Variants in SNTB1 observed in about 807,000 individuals in gnomAD.
SNTB1 encodes the protein syntrophin beta 1, also known as beta-1-syntrophin.
SNTB1 carries 36 observed loss-of-function variants against 48.9 expected under a neutral mutation model. The ratio of observed to expected loss-of-function variants is 0.74; its 90% CI spans 0.56 to 0.97. SNTB1 has a LOEUF of 0.97. Among genes scored for constraint, SNTB1 ranks in the 50% least tolerant of loss-of-function variants. The pLI is 0.00. For missense variants in SNTB1, 786 were observed against 703.4 expected, an observed-to-expected ratio of 1.12 and a Z score of -1.33; for synonymous variants, 299 against 294.6, an observed-to-expected ratio of 1.01 and a Z score of -0.15.
At chr8:120,600,015 A>T (rs149447901) in intron 3 of SNTB1, among the ~76,000 whole-genome samples, 3 of 152,220 alleles carry the variant, frequency 2.0e-5, no homozygotes, top group African/African-American at 7.2e-5. Flanking sequence ...AAACACAGAA[A>T]ACATGATCTA....
intron 3 of SNTB1, among the ~76,000 whole-genome samples, chr8:120,623,824 G>A (rs1341828350): frequency 6.6e-6 from 1 of 152,184 alleles, no homozygotes; most frequent in East Asian, 1.9e-4. Context: ...TAAAGAAAGG[G>A]CAATCCACAA....
chr8:120,670,362 G>A (rs1359556067), intron 2 of SNTB1, among the ~76,000 whole-genome samples: 2 of 152,250 alleles, frequency 1.3e-5, no homozygotes, highest in East Asian at 1.9e-4. Flanking sequence ...GTCTTCATAC[G>A]GCAAGGGCTG....
rs190879364 is a variant in SNTB1, at chr8:120,547,198, A to G, written c.1333+1564T>C. Among the ~76,000 whole-genome samples the G allele has an allele frequency of 2.6e-3, 403 of 152,356 alleles. 1 individual carries two copies. The highest frequency in any genetic ancestry group is 8.3e-3 in the African/African-American group (346 of 41,586). ...CACAGTGCAATCAAAAGTTCTTCAA[A>G]ACAATGAAACAATATTTACACCCAT... On this transcript the variant is annotated intron_variant, in intron 5 of 6. Transcript: ENST00000517992.
At chr8:120,671,300 C>T (rs1817753906) in intron 2 of SNTB1, among the ~76,000 whole-genome samples, 2 of 152,088 alleles carry the variant, frequency 1.3e-5, no homozygotes, top group South Asian at 4.1e-4. Flanking sequence ...CAGAATGCAA[C>T]CTTATTTGGA....
intron 1 of SNTB1, chr8:120,776,621 A>C (rs1162038669): frequency 6.6e-6 from 1 of 152,022 alleles, no homozygotes; most frequent in Non-Finnish European, 1.5e-5. Flanking sequence ...ACCAAAATAA[A>C]ACTTCGTTTG....
chr8:120,724,456 T>C (rs1199268820), intron 1 of SNTB1, among the ~76,000 whole-genome samples: 2 of 152,176 alleles, frequency 1.3e-5, no homozygotes, highest in African/African-American at 4.8e-5. Flanking sequence ...CCACACCACA[T>C]TACTGCTTTC....
intron 1 of SNTB1, among the ~76,000 whole-genome samples, chr8:120,738,753 A>C (rs990217741): frequency 3.9e-5 from 6 of 152,182 alleles, no homozygotes; most frequent in African/African-American, 1.2e-4. Context: ...CACACTACAA[A>C]TACAAGCTAT....
intron 1 of SNTB1, among the ~76,000 whole-genome samples, chr8:120,774,892 G>C (rs1408657910): frequency 6.6e-6 from 1 of 152,028 alleles, no homozygotes; most frequent in African/African-American, 2.4e-5. Flanking sequence ...GACCTCAAGT[G>C]ATCCACCTGC....
intron 3 of SNTB1, among the ~76,000 whole-genome samples, chr8:120,628,916 TG>T (rs1354065073): frequency 6.6e-6 from 1 of 152,046 alleles, no homozygotes; most frequent in Non-Finnish European, 1.5e-5. Flanking sequence ...CCCAGTTACT[TG>T]GGAGGCTGAG....
chr8:120,668,388 T>C (rs1817708211), intron 2 of SNTB1, among the ~76,000 whole-genome samples: 1 of 152,246 alleles, frequency 6.6e-6, no homozygotes, highest in African/African-American at 2.4e-5. Flanking sequence ...TTCCCGTTAC[T>C]CCATCTTGGT....
chr8:120,664,980 G>A (rs969846436), intron 2 of SNTB1, among the ~76,000 whole-genome samples: 2 of 152,164 alleles, frequency 1.3e-5, no homozygotes, highest in Non-Finnish European at 2.9e-5. Flanking sequence ...TATGAATGTA[G>A]CAGTATCTCA....
chr8:120,731,501 G>T (rs1282942476), intron 1 of SNTB1, among the ~76,000 whole-genome samples: 2 of 152,212 alleles, frequency 1.3e-5, no homozygotes, highest in African/African-American at 4.8e-5. Context: ...AAGCCTGGAA[G>T]GACTGGGCTT....
At chr8:120,642,178 A>G (rs1014622538) in intron 2 of SNTB1, among the ~76,000 whole-genome samples, 1 of 152,188 alleles carries the variant, frequency 6.6e-6, no homozygotes, top group Non-Finnish European at 1.5e-5. Context: ...CAGGCTTCCC[A>G]ATGGCTGAGA....
rs547903055 is a variant in SNTB1 at position 120,543,872 on chromosome 8, C to G, written c.1334-1872G>C. On this transcript the variant is annotated intron_variant, in intron 5 of 6. Coordinates refer to ENST00000517992, the MANE Select transcript of SNTB1 (RefSeq NM_021021.4). ...CTGCGCACAGTCCCTGAACCCTGCC[C>G]TCCGCCAGCCCTCCCATTCAAGGAT... Among the ~76,000 whole-genome samples the G allele has an allele frequency of 2.3e-3, 347 of 152,284 alleles. 3 individuals carry two copies. The highest frequency in any genetic ancestry group is 5.4e-3 in the East Asian group (28 of 5,186).
At chr8:120,779,580 T>C (rs964061844) in intron 1 of SNTB1, among the ~76,000 whole-genome samples, 4 of 152,112 alleles carry the variant, frequency 2.6e-5, no homozygotes, top group Admixed American at 2.6e-4. Flanking sequence ...AGCCCAACTG[T>C]AGAAGATATT....
chr8:120,609,650 G>A lies in SNTB1; in HGVS notation c.996+22794C>T, dbSNP rs560517904. ...ACAAATGGAAAATAGTTTTTACAAT[G>A]AGTACAGATTACTTTTTAAAAGAAA... On this transcript the variant is annotated intron_variant, in intron 3 of 6. Coordinates refer to ENST00000517992, the MANE Select transcript of SNTB1 (RefSeq NM_021021.4). 8.0e-4 allele frequency among the ~76,000 whole-genome samples: 122 copies of A among 152,298 alleles called. 1 individual carries two copies. The highest frequency in any genetic ancestry group is 2.7e-3 in the African/African-American group (111 of 41,550).
chr8:120,546,797 A>G (rs141229164), intron 5 of SNTB1, among the ~76,000 whole-genome samples: 79 of 152,288 alleles, frequency 5.2e-4, no homozygotes, highest in African/African-American at 1.9e-3. Context: ...TCTTTGCCCA[A>G]TTAAAAATTT....
chr8:120,540,345 T>C (rs1226673338), intron 6 of SNTB1, among the ~76,000 whole-genome samples: 1 of 152,200 alleles, frequency 6.6e-6, no homozygotes, highest in African/African-American at 2.4e-5. Flanking sequence ...GCTCGTCAAC[T>C]AAATGTACTG....
intron 3 of SNTB1, among the ~76,000 whole-genome samples, chr8:120,617,868 C>T (rs760936396): frequency 9.2e-5 from 14 of 152,228 alleles, no homozygotes; most frequent in Non-Finnish European, 1.2e-4. Flanking sequence ...TTTTCATATA[C>T]TGCCTTTGAA....
Sources: gnomAD v4.1 joint callset for allele counts (sites outside exome capture counted in the v4.1 genomes callset) on GRCh38, gnomAD v4.1.1 for gene constraint, MANE v1.5 for transcripts, NCBI Gene and HGNC (gene_info 2026-07-23, HGNC 2026-07-21) for gene names.